The following GRM1 variants were observed in gnomAD, a reference collection of about 807,000 sequenced individuals.
GRM1 encodes the protein metabotropic glutamate receptor 1.
A neutral mutation model predicts 90.9 loss-of-function variants in GRM1; 33 were observed. The observed-to-expected ratio is 0.36, with a 90% CI of 0.28 to 0.49. The LOEUF (loss-of-function observed/expected upper bound fraction) is 0.49, where lower values mean the gene tolerates loss of function less well. Ranked by LOEUF, GRM1 falls within the 20% of genes least tolerant of loss-of-function variation. GRM1 has a pLI of 0.99. For synonymous variants in GRM1, 700 were observed against 613.2 expected (o/e 1.14, Z -2.09); for missense variants, 1,190 against 1,534.3 (o/e 0.78, Z 3.75).
intron 1 of GRM1, among the ~76,000 whole-genome samples, chr6:146,151,817 A>G (rs1440248119): frequency 1.3e-5 from 2 of 152,080 alleles, no homozygotes; most frequent in Non-Finnish European, 2.9e-5. Flanking sequence ...CTATTATTTT[A>G]AAGTACTTTT....
chr6:146,303,483 A>G lies in GRM1; in HGVS notation c.951-1128A>G, dbSNP rs373449445. The stretch of plus-strand genomic sequence containing the variant: ...TAAATTATTTCTCTGCCTTTTTGAG[A>G]TGTAGATCGTCTAGTTTCTTGCTAA... On this transcript the variant is annotated intron_variant, in intron 2 of 7. Coordinates refer to ENST00000282753, the MANE Select transcript of GRM1 (RefSeq NM_001278064.2). Among the ~76,000 whole-genome samples, 22 of 152,168 alleles carry G rather than the reference A, an allele frequency of 1.4e-4. 1 individual carries two copies. Among genetic ancestry groups the G allele is most frequent in the African/African-American group, 5.3e-4 (22 of 41,500 alleles).
chr6:146,180,040 T>C (rs886414211), intron 2 of GRM1, among the ~76,000 whole-genome samples: 1 of 151,924 alleles, frequency 6.6e-6, no homozygotes, highest in Admixed American at 6.6e-5. Context: ...CCCCAGCTAC[T>C]AGGGAAGCTG....
chr6:146,326,039 C>G (rs1032843093), intron 3 of GRM1, among the ~76,000 whole-genome samples: 1 of 152,040 alleles, frequency 6.6e-6, no homozygotes, highest in East Asian at 1.9e-4. Context: ...GTGTTGGACT[C>G]TAAAATGAAG....
At position 146,400,520 on chromosome 6, in the gene GRM1, AT is replaced by A; in HGVS notation, c.2660+824del. On this transcript the variant is annotated intron_variant, in intron 7 of 7. Transcript: ENST00000282753. ...TCTATTCAAAGTCCAGATGAATTAT[AT>A]TTCTATAATTCTTCTGAGTTGTTTT... Among the ~76,000 whole-genome samples the A allele has an allele frequency of 3.3e-5, 5 of 152,290 alleles. 1 individual carries two copies. The highest frequency in any genetic ancestry group is 3.3e-4 in the Admixed American group (5 of 15,298).
intron 5 of GRM1, among the ~76,000 whole-genome samples, chr6:146,381,594 T>C (rs1776320410): frequency 6.6e-6 from 1 of 152,160 alleles, no homozygotes; most frequent in African/African-American, 2.4e-5. Context: ...ACTGAGTGTT[T>C]ACTTGATTTT....
intron 2 of GRM1, among the ~76,000 whole-genome samples, chr6:146,302,397 G>T (rs756772833): frequency 2.7e-5 from 4 of 149,738 alleles, no homozygotes; most frequent in Non-Finnish European, 5.9e-5. Context: ...TTTGAGACAG[G>T]GTCTTGCTCT....
chr6:146,075,166 A>G (rs1032537722), intron 1 of GRM1, among the ~76,000 whole-genome samples: 3 of 152,176 alleles, frequency 2.0e-5, no homozygotes, highest in Non-Finnish European at 2.9e-5. Flanking sequence ...ACAAGGAGAT[A>G]TTTGATATAC....
At chr6:146,358,599 T>C (rs362839) in intron 5 of GRM1, among the ~76,000 whole-genome samples, 41,483 of 151,978 alleles carry the variant, frequency 0.27, 6,111 homozygotes, top group African/African-American at 0.39. Flanking sequence ...GACATGCCGC[T>C]GTACCATTCT....
chr6:146,254,625 T>C (rs1315214262), intron 2 of GRM1, among the ~76,000 whole-genome samples: 1 of 152,184 alleles, frequency 6.6e-6, no homozygotes, highest in Non-Finnish European at 1.5e-5. Flanking sequence ...CCAAGCTTAT[T>C]CTTACCATAT....
intron 1 of GRM1, among the ~76,000 whole-genome samples, chr6:146,058,586 A>G (rs971079046): frequency 6.6e-6 from 1 of 152,016 alleles, no homozygotes; most frequent in Non-Finnish European, 1.5e-5. Flanking sequence ...GGCTGTGGCA[A>G]TTTCTTAATA....
chr6:146,158,425 A>G (rs1226821053), intron 1 of GRM1, among the ~76,000 whole-genome samples: 3 of 151,716 alleles, frequency 2.0e-5, no homozygotes, highest in African/African-American at 7.3e-5. Context: ...GATGTTTGAC[A>G]TCCACATTCA....
At chr6:146,089,194 A>G (rs569535768) in intron 1 of GRM1, among the ~76,000 whole-genome samples, 1 of 152,236 alleles carries the variant, frequency 6.6e-6, no homozygotes, top group African/African-American at 2.4e-5. Flanking sequence ...CCATCTGGCA[A>G]GGCACTGTGG....
intron 5 of GRM1, among the ~76,000 whole-genome samples, chr6:146,381,639 G>T (rs1035751043): frequency 6.6e-6 from 1 of 152,138 alleles, no homozygotes; most frequent in Non-Finnish European, 1.5e-5. Context: ...TGTCCTTGGT[G>T]GGGGAGGCAG....
chr6:146,370,569 G>A (rs1288742244), intron 5 of GRM1, among the ~76,000 whole-genome samples: 1 of 151,918 alleles, frequency 6.6e-6, no homozygotes, highest in Non-Finnish European at 1.5e-5. Flanking sequence ...CAATAATCGG[G>A]TCTTTCCATT....
chr6:146,399,741 C>T lies in GRM1; in HGVS notation c.2660+42C>T. On this transcript the variant is annotated intron_variant, in intron 7 of 7. Transcript: ENST00000282753. The surrounding 1 kb of genome is among the most constrained non-coding windows in gnomAD (Gnocchi z 5.4). Reference sequence around the variant, plus strand: ...GTTTGTCTCTCTTTTCTCTTCCTTTCTCTGTCTCTTTCTCTCTCTCTCTCT... The same window carrying T: ...GTTTGTCTCTCTTTTCTCTTCCTTTTTCTGTCTCTTTCTCTCTCTCTCTCT... 1.5e-6 allele frequency: 2 copies of T among 1,337,152 alleles called. No individual in the cohort carries two copies. The highest frequency in any genetic ancestry group is 2.4e-5 in the East Asian group (1 of 41,754). The allele number at this position is 1,337,152 out of a possible 1,614,324, so 82.8% of individuals were successfully genotyped here. A position where few individuals can be genotyped will look rare whatever the true frequency, so the allele number is the denominator to read the frequency against.
At chr6:146,113,151 TA>T (rs1277171594) in intron 1 of GRM1, among the ~76,000 whole-genome samples, 4 of 152,216 alleles carry the variant, frequency 2.6e-5, no homozygotes, top group Non-Finnish European at 5.9e-5. Flanking sequence ...TGATTTAATT[TA>T]ACTTTTGTCT....
chr6:146,190,766 C>T (rs1035873827), intron 2 of GRM1, among the ~76,000 whole-genome samples: 1 of 152,170 alleles, frequency 6.6e-6, no homozygotes, highest in Non-Finnish European at 1.5e-5. Context: ...CATCATTTCT[C>T]ATTTGGATTA....
intron 2 of GRM1, among the ~76,000 whole-genome samples, chr6:146,268,466 T>G (rs1179981318): frequency 6.6e-6 from 1 of 152,212 alleles, no homozygotes; most frequent in Non-Finnish European, 1.5e-5. Context: ...CTTATTTGTC[T>G]TTCCTGCATT....
At chr6:146,129,052 G>A (rs915454113) in intron 1 of GRM1, among the ~76,000 whole-genome samples, 9 of 152,088 alleles carry the variant, frequency 5.9e-5, no homozygotes, top group African/African-American at 1.2e-4. Flanking sequence ...ATATTTTCCG[G>A]TACATGTAAA....
Sources: allele counts gnomAD v4.1 joint callset (sites outside exome capture counted in the v4.1 genomes callset), GRCh38; gene constraint gnomAD v4.1.1; non-coding constraint Gnocchi (gnomAD v3.1); transcripts MANE v1.5; gene names NCBI Gene and HGNC (gene_info 2026-07-23, HGNC 2026-07-21).